DMD: variants seen among roughly 807,000 people sequenced by gnomAD.
DMD encodes mutant dystrophin.
A neutral mutation model predicts 330.1 loss-of-function variants in DMD; 63 were observed. That is an observed-to-expected ratio of 0.19 (90% CI 0.16 to 0.24). The LOEUF (loss-of-function observed/expected upper bound fraction) is 0.24. Among genes scored for constraint, DMD ranks in the 10% least tolerant of loss-of-function variants. The pLI is 1.00. For missense variants in DMD, 3,344 were observed against 2,684.1 expected (o/e 1.25, Z -5.43); for synonymous variants, 1,223 against 959.8 (o/e 1.27, Z -5.07).
At chrX:32,650,720 G>A (rs749073007) in intron 9 of DMD, among the ~76,000 whole-genome samples, 3 of 111,941 alleles carry the variant, frequency 2.7e-5, no homozygotes, top group East Asian at 5.6e-4. Flanking sequence ...AATATAGATA[G>A]GGCCTGAAAT....
At chrX:32,930,564 A>T (rs184438403) in intron 2 of DMD, among the ~76,000 whole-genome samples, 2 of 110,608 alleles carry the variant, frequency 1.8e-5, no homozygotes, top group Non-Finnish European at 3.8e-5. Context: ...CTGCTTTTCT[A>T]GCCCTATTTT....
intron 60 of DMD, among the ~76,000 whole-genome samples, chrX:31,354,458 C>T (rs2058572879): frequency 9.0e-6 from 1 of 110,535 alleles, no homozygotes; most frequent in African/African-American, 3.3e-5. Context: ...AGAAGAAAAC[C>T]ATTTAGATTC....
intron 48 of DMD, among the ~76,000 whole-genome samples, chrX:31,869,029 A>AAG (rs1339225838): frequency 7.1e-5 from 3 of 42,106 alleles, no homozygotes; most frequent in Non-Finnish European, 1.1e-4. Flanking sequence ...CTGCTCCTAA[A>AAG]AGAGAGTAGT....
At chrX:32,904,668 G>A (rs1042920965) in intron 2 of DMD, among the ~76,000 whole-genome samples, 9 of 111,926 alleles carry the variant, frequency 8.0e-5, no homozygotes, top group African/African-American at 2.9e-4. Context: ...CCGCCTCCCG[G>A]GCTCAAGCAA....
At chrX:31,848,048 G>C in intron 48 of DMD, among the ~76,000 whole-genome samples, 1 of 111,587 alleles carries the variant, frequency 9.0e-6, no homozygotes, top group Non-Finnish European at 1.9e-5. Context: ...TACTGTGTGT[G>C]TGTGTGCATA....
chrX:31,834,733 C>T (rs1045985867), intron 49 of DMD, among the ~76,000 whole-genome samples: 1 of 111,719 alleles, frequency 9.0e-6, no homozygotes, highest in African/African-American at 3.3e-5. Context: ...AGCCACCATG[C>T]CCAGCCAACT....
At chrX:31,372,263 C>T (rs2059631052) in intron 60 of DMD, among the ~76,000 whole-genome samples, 1 of 111,870 alleles carries the variant, frequency 8.9e-6, no homozygotes, top group African/African-American at 3.2e-5. Flanking sequence ...AATTGGCTGA[C>T]CAGATGGAGG....
intron 37 of DMD, among the ~76,000 whole-genome samples, chrX:32,359,524 T>C (rs189094506): frequency 2.5e-3 from 280 of 111,492 alleles, no homozygotes; most frequent in African/African-American, 9.0e-3. Context: ...TCTAACCTAA[T>C]ATTATCCTGT....
chrX:32,620,531 T>C (rs1300838639), intron 11 of DMD, among the ~76,000 whole-genome samples: 3 of 112,479 alleles, frequency 2.7e-5, no homozygotes, highest in African/African-American at 9.7e-5. Context: ...TAAACTTTCA[T>C]TTATCAAACA....
At chrX:32,107,484 G>A (rs990914859) in intron 44 of DMD, among the ~76,000 whole-genome samples, 27 of 108,413 alleles carry the variant, frequency 2.5e-4, no homozygotes, top group Admixed American at 1.4e-3. Context: ...CTGGAGACCC[G>A]AGAGAGCTGA....
chrX:32,184,329 G>T (rs2096938008), intron 44 of DMD, among the ~76,000 whole-genome samples: 1 of 110,568 alleles, frequency 9.0e-6, no homozygotes, highest in Admixed American at 9.7e-5. Context: ...CTCTTAATAA[G>T]ATGGATGGGT....
intron 52 of DMD, among the ~76,000 whole-genome samples, chrX:31,728,146 C>T (rs1277492622): frequency 8.9e-6 from 1 of 112,018 alleles, no homozygotes. Flanking sequence ...CCTCAGCCTC[C>T]CAAGTAGCTG....
At chrX:32,924,937 G>T (rs1160826227) in intron 2 of DMD, among the ~76,000 whole-genome samples, 2 of 110,420 alleles carry the variant, frequency 1.8e-5, no homozygotes, top group Non-Finnish European at 3.8e-5. Context: ...AGCATAAAAC[G>T]TGTTTAAAAT....
chrX:32,722,955 G>A (rs1035901610), intron 7 of DMD, among the ~76,000 whole-genome samples: 4 of 110,284 alleles, frequency 3.6e-5, no homozygotes, highest in African/African-American at 6.6e-5. Context: ...AGTATTTTTG[G>A]TACTATGACA....
chrX:31,904,781 G>A (rs937628327), intron 47 of DMD, among the ~76,000 whole-genome samples: 3 of 111,316 alleles, frequency 2.7e-5, no homozygotes, highest in South Asian at 3.8e-4. Flanking sequence ...GAGAGACCCC[G>A]AAGCAAAGAA....
intron 59 of DMD, among the ~76,000 whole-genome samples, chrX:31,476,953 G>A (rs1260483196): frequency 5.4e-5 from 6 of 111,516 alleles, no homozygotes; most frequent in Non-Finnish European, 1.1e-4. Context: ...TGAACCTAAA[G>A]TTTCTAGCCT....
intron 2 of DMD, among the ~76,000 whole-genome samples, chrX:32,914,667 T>A (rs1267826470): frequency 1.8e-5 from 2 of 112,302 alleles, no homozygotes; most frequent in African/African-American, 3.2e-5. Context: ...CCAAATGCCC[T>A]CTGGCAGGAA....
intron 1 of DMD, among the ~76,000 whole-genome samples, chrX:33,263,166 A>G (rs1265284322): frequency 9.0e-6 from 1 of 110,664 alleles, no homozygotes; most frequent in Non-Finnish European, 1.9e-5. Context: ...GACATATTTC[A>G]TAATAATAAA....
chrX:33,163,909 C>A (rs917852260), intron 1 of DMD, among the ~76,000 whole-genome samples: 4 of 110,925 alleles, frequency 3.6e-5, no homozygotes, highest in Admixed American at 2.9e-4. Context: ...GTTGTGAATT[C>A]TTTTTTATTG....
Sources: allele counts gnomAD v4.1 joint callset (sites outside exome capture counted in the v4.1 genomes callset), GRCh38; gene constraint gnomAD v4.1.1; transcripts MANE v1.5; gene names NCBI Gene and HGNC (gene_info 2026-07-23, HGNC 2026-07-21).